Variants in MLKL observed in about 807,000 individuals in gnomAD.
MLKL encodes mixed lineage kinase domain like pseudokinase.
In MLKL, 55 loss-of-function variants were observed where a neutral mutation model predicts 56.5. The ratio of observed to expected loss-of-function variants is 0.97; its 90% confidence interval spans 0.78 to 1.22. The LOEUF is 1.22. Ranked by LOEUF, MLKL falls within the 50% of genes most tolerant of loss-of-function variation. MLKL has a pLI of 0.00. For synonymous variants in MLKL, 251 were observed against 208.3 expected (o/e 1.20, Z -1.76); for missense variants, 694 against 573.9 (o/e 1.21, Z -2.14).
intron 3 of MLKL, among the ~76,000 whole-genome samples, chr16:74,692,088 C>A (rs1027673751): frequency 2.0e-5 from 3 of 152,188 alleles, no homozygotes; most frequent in African/African-American, 7.2e-5. Flanking sequence ...AGCTTTGATT[C>A]TATTCATAGA....
chr16:74,675,473 C>A, intron 8 of MLKL, 69 bp from the exon 9 acceptor site: 1 of 1,581,688 alleles, frequency 6.3e-7, no homozygotes, highest in East Asian at 2.2e-5. Context: ...CTAGCCACTG[C>A]CAGAAAACTC....
chr16:74,696,052 CT>C (rs1567621224), intron 1 of MLKL, among the ~76,000 whole-genome samples: 1 of 152,160 alleles, frequency 6.6e-6, no homozygotes, highest in Non-Finnish European at 1.5e-5. Flanking sequence ...TGCATGTGAC[CT>C]GCTCTACTTC....
At chr16:74,681,886 A>G (rs1174288895) in intron 6 of MLKL, among the ~76,000 whole-genome samples, 3 of 152,108 alleles carry the variant, frequency 2.0e-5, no homozygotes, top group Non-Finnish European at 4.4e-5. Context: ...ACGTACACGC[A>G]TATATATATG....
chr16:74,683,285 T>C (rs1303224565), intron 5 of MLKL, among the ~76,000 whole-genome samples: 1 of 122,634 alleles, frequency 8.2e-6, no homozygotes, highest in African/African-American at 3.1e-5. Context: ...AGAGTGACAC[T>C]ACATCTCAAA....
chr16:74,695,240 A>T (rs1960955180), intron 2 of MLKL, 58 bp downstream of exon 2: 17 of 1,524,088 alleles, frequency 1.1e-5, no homozygotes, highest in Admixed American at 1.7e-5. Flanking sequence ...TGGTAAATTA[A>T]AGTGAGACTA....
intron 1 of MLKL, among the ~76,000 whole-genome samples, chr16:74,698,128 C>T (rs548239361): frequency 6.6e-6 from 1 of 152,212 alleles, no homozygotes; most frequent in East Asian, 1.9e-4. Context: ...TTGATTGAGG[C>T]TGGGAGGTCG....
intron 3 of MLKL, 35 bp from the exon 4 acceptor site, chr16:74,691,498 A>C (rs773519930): frequency 1.3e-6 from 2 of 1,594,474 alleles, no homozygotes; most frequent in Non-Finnish European, 1.7e-6. Context: ...AAGACAAAAG[A>C]GTCAATGAGC....
At chr16:74,684,431 GAAAAAAAA>G (rs66482612) in intron 5 of MLKL, among the ~76,000 whole-genome samples, 3 of 112,746 alleles carry the variant, frequency 2.7e-5, no homozygotes, top group Non-Finnish European at 3.5e-5. Flanking sequence ...GGGAAAAAAA[GAAAAAAAA>G]AAAAAAAAAA....
Position 74,675,120 on chromosome 16 carries a change from A to G in MLKL, c.1241-20T>C, listed in dbSNP as rs1959506746. 2.5e-6 allele frequency: 4 copies of G among 1,612,806 alleles called. No homozygotes were observed. Among genetic ancestry groups the G allele is most frequent in the Non-Finnish European group, 3.4e-6 (4 of 1,179,202 alleles). ...TACAGCCTGGAAATGATAGCATGAGAGCCTCAAAAAATTGCTCCGCTACTC... is the reference window on the plus strand; with the variant it reads ...TACAGCCTGGAAATGATAGCATGAGGGCCTCAAAAAATTGCTCCGCTACTC... On this transcript the variant is annotated intron_variant, in intron 9 of 10. Transcript: ENST00000308807.
intron 4 of MLKL, among the ~76,000 whole-genome samples, chr16:74,686,879 TA>T (rs1464946050): frequency 6.6e-6 from 1 of 152,216 alleles, no homozygotes; most frequent in East Asian, 1.9e-4. Flanking sequence ...TCCAATAGCA[TA>T]AAGAGAATAA....
At chr16:74,698,572 A>T (rs1228269615) in intron 1 of MLKL, among the ~76,000 whole-genome samples, 4 of 152,170 alleles carry the variant, frequency 2.6e-5, no homozygotes, top group African/African-American at 9.7e-5. Context: ...ATTTCTTGGG[A>T]ATTGTGAGGG....
intron 4 of MLKL, among the ~76,000 whole-genome samples, chr16:74,687,413 TA>T (rs200354591): frequency 8.8e-4 from 127 of 144,774 alleles, no homozygotes; most frequent in Middle Eastern, 3.6e-3. Flanking sequence ...GTAGTTGGCT[TA>T]AAAAAAAAAA....
rs755464021 is a variant in MLKL, at chr16:74,695,539, A to G, written c.219T>C (p.Asn73=). ...NRFKAALEEA[N]GEIEKFSNRS... is the part of the protein sequence containing the mutation. Reference sequence around the variant, plus strand: ...TATTGCTGAACTTTTCTATCTCCCCATTAGCCTCCTCCAGGGCAGCCTTGA... The same window carrying G: ...TATTGCTGAACTTTTCTATCTCCCCGTTAGCCTCCTCCAGGGCAGCCTTGA... Residue 73 remains asparagine, a synonymous_variant, in exon 2 of 11, where the codon AAT becomes AAC. Coordinates refer to ENST00000308807, the MANE Select transcript of MLKL (RefSeq NM_152649.4). The G allele has an allele frequency of 1.2e-6, 2 of 1,614,110 alleles. No individual in the cohort carries two copies. Among genetic ancestry groups the G allele is most frequent in the Non-Finnish European group, 1.7e-6 (2 of 1,180,030 alleles).
rs543360700 is a variant in MLKL, at chr16:74,682,935, C to T, written c.821-149G>A. 60 of 909,478 alleles carry T rather than the reference C, an allele frequency of 6.6e-5. No homozygotes were observed. In the South Asian group the frequency reaches 9.1e-4, roughly 14 times the overall value. The allele number at this position is 909,478 out of a possible 1,614,324, so 56.3% of individuals were successfully genotyped here. Reference sequence around the variant, plus strand: ...CAATCCTCAGCCCACAGTTTTGGTCCCCGGCCTCCTTGAATGGACCAAATA... The same window carrying T: ...CAATCCTCAGCCCACAGTTTTGGTCTCCGGCCTCCTTGAATGGACCAAATA... On this transcript the variant is annotated intron_variant, in intron 5 of 10. Transcript: ENST00000308807.
intron 10 of MLKL, among the ~76,000 whole-genome samples, chr16:74,674,216 G>A (rs1310486303): frequency 3.3e-5 from 5 of 150,598 alleles, no homozygotes; most frequent in East Asian, 2.0e-4. Context: ...GCGCAGTGGC[G>A]TGATCCTGAC....
chr16:74,687,839 T>A (rs1313447866), intron 4 of MLKL, among the ~76,000 whole-genome samples: 1 of 151,966 alleles, frequency 6.6e-6, no homozygotes, highest in Non-Finnish European at 1.5e-5. Flanking sequence ...TGGCTATTTT[T>A]TTTTGCGATG....
intron 10 of MLKL, among the ~76,000 whole-genome samples, chr16:74,672,762 T>C (rs1959314168): frequency 6.6e-6 from 1 of 152,200 alleles, no homozygotes; most frequent in African/African-American, 2.4e-5. Flanking sequence ...AACTCACATC[T>C]TAGTATGAAT....
chr16:74,688,016 G>A (rs543436275), intron 4 of MLKL, among the ~76,000 whole-genome samples: 8 of 144,918 alleles, frequency 5.5e-5, no homozygotes, highest in South Asian at 4.2e-4. Flanking sequence ...TAGTAGAGAC[G>A]GGTTTCACCA....
chr16:74,675,761 C>G lies in MLKL; in HGVS notation c.1042G>C (p.Ala348Pro). Residue 348 changes from alanine to proline, a missense_variant, in exon 8 of 11, where the codon GCA becomes CCA. Transcript: ENST00000308807. ...LVTQGYQVKL[A>P]GFELRKTQTS... ...TGTGTTTTCCTCAACTCAAATCCTG[C>G]AAGCTAGATAGAGAGGCAACTTAGA... 1 of 1,613,884 alleles carries G rather than the reference C, an allele frequency of 6.2e-7. No homozygotes were observed. Among genetic ancestry groups the G allele is most frequent in the Non-Finnish European group, 8.5e-7 (1 of 1,179,942 alleles).
Sources: allele counts gnomAD v4.1 joint callset (sites outside exome capture counted in the v4.1 genomes callset), GRCh38; gene constraint gnomAD v4.1.1; transcripts MANE v1.5; gene names NCBI Gene and HGNC (gene_info 2026-07-23, HGNC 2026-07-21).